The following RAD54L2 variants were observed in gnomAD, a reference collection of about 807,000 sequenced individuals.
RAD54L2 encodes the protein helicase ARIP4.
A neutral mutation model predicts 138.4 loss-of-function variants in RAD54L2; 27 were observed. The ratio of observed to expected loss-of-function variants is 0.20; its 90% CI spans 0.14 to 0.27. The LOEUF is 0.27. Ranked by LOEUF, RAD54L2 falls within the 10% of genes least tolerant of loss-of-function variation. RAD54L2 has a pLI of 1.00. For missense variants in RAD54L2, 1,396 were observed against 1,890.2 expected (o/e 0.74, Z 4.85); for synonymous variants, 644 against 723.2 (o/e 0.89, Z 1.76).
chr3:51,641,416 A>G (rs965361197), intron 14 of RAD54L2, among the ~76,000 whole-genome samples: 1 of 151,844 alleles, frequency 6.6e-6, no homozygotes, highest in African/African-American at 2.4e-5. Context: ...TCCTGGGTTC[A>G]AGTGATTCTC....
intron 2 of RAD54L2, among the ~76,000 whole-genome samples, chr3:51,558,483 TGA>T (rs1369471769): frequency 6.8e-6 from 1 of 146,528 alleles, no homozygotes; most frequent in Non-Finnish European, 1.5e-5. Context: ...CTCTCTTTTT[TGA>T]GACAGGGTCT....
intron 3 of RAD54L2, among the ~76,000 whole-genome samples, chr3:51,602,085 G>A (rs1304329625): frequency 6.6e-6 from 1 of 151,958 alleles, no homozygotes; most frequent in Admixed American, 6.6e-5. Context: ...GCCTGCCTTT[G>A]CATCCCAAAA....
intron 2 of RAD54L2, among the ~76,000 whole-genome samples, chr3:51,586,357 A>G (rs575638564): frequency 2.6e-5 from 4 of 151,508 alleles, no homozygotes; most frequent in South Asian, 2.1e-4. Context: ...GGCTCAAGCA[A>G]TTCCCCCACC....
chr3:51,556,308 C>T (rs1698962204), intron 2 of RAD54L2, among the ~76,000 whole-genome samples: 1 of 152,114 alleles, frequency 6.6e-6, no homozygotes, highest in East Asian at 1.9e-4. Context: ...CAGGGTTTTG[C>T]TCTTTCACCC....
At chr3:51,621,014 G>T in intron 3 of RAD54L2, among the ~76,000 whole-genome samples, 1 of 150,518 alleles carries the variant, frequency 6.6e-6, no homozygotes. Flanking sequence ...TGTTCAGAAG[G>T]TAAAAAAAAA....
At position 51,602,547 on chromosome 3, in the gene RAD54L2, C is replaced by T. The variant is rs1393909412; in HGVS notation, c.139+11988C>T. 5.0e-4 allele frequency among the ~76,000 whole-genome samples: 76 copies of T among 152,228 alleles called. 1 individual carries two copies. Among genetic ancestry groups the T allele is most frequent in the Non-Finnish European group, 1.8e-4 (12 of 68,010 alleles). ...TGGTAGTTAAGAGTCGGCTTGGAGT[C>T]GAAGTTGCTTAAAAAGCTGTGTAGC... On this transcript the variant is annotated intron_variant, in intron 3 of 22. Transcript: ENST00000684192.
At chr3:51,547,281 C>A (rs1280610319) in intron 2 of RAD54L2, among the ~76,000 whole-genome samples, 1 of 151,728 alleles carries the variant, frequency 6.6e-6, no homozygotes, top group Non-Finnish European at 1.5e-5. Context: ...GAGATCGAGG[C>A]GGGACGATTG....
At chr3:51,653,566 T>G (rs534298552) in intron 19 of RAD54L2, among the ~76,000 whole-genome samples, 1 of 152,134 alleles carries the variant, frequency 6.6e-6, no homozygotes, top group African/African-American at 2.4e-5. Flanking sequence ...ATTAAGAAAA[T>G]GTGGCACATA....
intron 10 of RAD54L2, 61 bp downstream of exon 10, chr3:51,635,850 A>G: frequency 6.9e-7 from 1 of 1,451,970 alleles, no homozygotes; most frequent in Non-Finnish European, 9.3e-7. Context: ...AATCATGTCT[A>G]CTAATAGCAC....
chr3:51,594,210 AT>A (rs1158088591), intron 3 of RAD54L2, among the ~76,000 whole-genome samples: 1 of 151,794 alleles, frequency 6.6e-6, no homozygotes, highest in East Asian at 1.9e-4. Flanking sequence ...AGTAGCTGGA[AT>A]TACAGGCATG....
At chr3:51,625,882 T>TAA (rs1298908490) in intron 3 of RAD54L2, among the ~76,000 whole-genome samples, 1 of 151,740 alleles carries the variant, frequency 6.6e-6, no homozygotes, top group Non-Finnish European at 1.5e-5. Context: ...AAAATAGTGT[T>TAA]AAAGGTCATG....
At chr3:51,602,557 T>C (rs1700101671) in intron 3 of RAD54L2, among the ~76,000 whole-genome samples, 1 of 152,164 alleles carries the variant, frequency 6.6e-6, no homozygotes, top group African/African-American at 2.4e-5. Context: ...CGAAGTTGCT[T>C]AAAAAGCTGT....
In RAD54L2 at chr3:51,639,603, A is replaced by C; in HGVS notation, c.2045A>C (p.Lys682Thr). The change falls in exon 13 of 23, where the codon AAG becomes ACG. Residue 682 changes from lysine (K) to threonine (T), a missense_variant. Physicochemically the swap from Lys to Thr is moderately conservative, Grantham distance 78. Transcript: ENST00000684192. Reference protein sequence around the residue: ...ASSMGEATNSKFLQGVGFNPF... With the variant: ...ASSMGEATNSTFLQGVGFNPF... ...TCGATGGGAGAGGCAACCAATAGCA[A>C]GTTCCTACAGGGCGTTGGCTTCAAC... 3 of 1,613,956 alleles carry C rather than the reference A, an allele frequency of 1.9e-6. No homozygotes were observed. The highest frequency in any genetic ancestry group is 2.5e-6 in the Non-Finnish European group (3 of 1,179,862).
Position 51,663,196 on chromosome 3 carries a change from C to T in RAD54L2, c.4180C>T (p.Pro1394Ser). 1.2e-6 allele frequency: 2 copies of T among 1,613,982 alleles called. No homozygotes were observed. Among genetic ancestry groups the T allele is most frequent in the Non-Finnish European group, 1.7e-6 (2 of 1,179,876 alleles). The change falls in exon 23 of 23, where the codon CCG (proline) becomes TCG (serine). Residue 1394 changes from proline to serine, a missense_variant. Pro to Ser is a moderately conservative substitution (Grantham distance 74). Transcript: ENST00000684192. ...ATTCTCACAGCCACTCCTGTCCGAG[C>T]CGAGGATGTTTGCGCCTTTTCCTTC... ...LPFSQPLLSE[P>S]RMFAPFPSPV...
chr3:51,583,867 G>A lies in RAD54L2; in HGVS notation c.-54-6500G>A, dbSNP rs536881762. On this transcript the variant is annotated intron_variant, in intron 2 of 22. Coordinates refer to ENST00000684192, the MANE Select transcript of RAD54L2 (RefSeq NM_015106.4). ...TGGCTTTTTTTTTTTTTTTAAACTG[G>A]GGTAGCCTCTTGAGCCATGGTGGGC... 6.0e-5 allele frequency among the ~76,000 whole-genome samples: 9 copies of A among 149,602 alleles called. No individual in the cohort carries two copies. In the East Asian group the frequency reaches 1.8e-3, roughly 29 times the overall value.
intron 2 of RAD54L2, among the ~76,000 whole-genome samples, chr3:51,585,561 T>C (rs1699691486): frequency 6.6e-6 from 1 of 152,200 alleles, no homozygotes; most frequent in African/African-American, 2.4e-5. Context: ...TTAATTCTGC[T>C]GATTGTTGGC....
rs1412799343 is a variant in RAD54L2 at position 51,645,911 on chromosome 3, C to T, written c.2829+148C>T. On this transcript the variant is annotated intron_variant, in intron 18 of 22. Transcript: ENST00000684192. This position sits in a 1 kb window ranked among gnomAD's most constrained non-coding sequence, Gnocchi z 6.1. The stretch of plus-strand genomic sequence containing the variant: ...TTCTTTTTCTTGCCCCACTCAGTCC[C>T]CCTCCCTTCCCACAACCACTTACCC... 8 of 863,552 alleles carry T rather than the reference C, an allele frequency of 9.3e-6. No individual in the cohort carries two copies. The highest frequency in any genetic ancestry group is 2.7e-5 in the East Asian group (1 of 36,906). The allele number at this position is 863,552 out of a possible 1,614,324, so 53.5% of individuals were successfully genotyped here.
At chr3:51,657,884 A>ATTAGG (rs1701645768) in intron 21 of RAD54L2, among the ~76,000 whole-genome samples, 1 of 144,490 alleles carries the variant, frequency 6.9e-6, no homozygotes, top group African/African-American at 2.6e-5. Flanking sequence ...AAAGAAGGAA[A>ATTAGG]TTAGGGTCCC....
At chr3:51,604,608 A>G (rs573704755) in intron 3 of RAD54L2, among the ~76,000 whole-genome samples, 167 of 152,340 alleles carry the variant, frequency 1.1e-3, no homozygotes, top group African/African-American at 4.0e-3. Flanking sequence ...AATGGGAACA[A>G]TTAGAGCATG....
Sources: allele counts gnomAD v4.1 joint callset (sites outside exome capture counted in the v4.1 genomes callset), GRCh38; gene constraint gnomAD v4.1.1; non-coding constraint Gnocchi (gnomAD v3.1); transcripts MANE v1.5; gene names NCBI Gene and HGNC (gene_info 2026-07-23, HGNC 2026-07-21).